The following ASTN2 variants were observed in gnomAD, a reference collection of about 807,000 sequenced individuals.
ASTN2 encodes the protein astrotactin-2.
In ASTN2, 54 loss-of-function variants were observed where a neutral mutation model predicts 139.8. The ratio of observed to expected loss-of-function variants is 0.39; its 90% CI spans 0.31 to 0.48. The LOEUF (loss-of-function observed/expected upper bound fraction) is 0.48, where lower values mean the gene tolerates loss of function less well. Among genes scored for constraint, ASTN2 ranks in the 20% least tolerant of loss-of-function variants. The probability of loss-of-function intolerance (pLI) is 0.95; values close to 1 mark genes in which losing one functional copy is unlikely to be tolerated. For synonymous variants in ASTN2, 756 were observed against 719.5 expected (o/e 1.05, Z -0.81); for missense variants, 1,565 against 1,725.1 (o/e 0.91, Z 1.64).
At chr9:116,675,742 C>T (rs567133097) in intron 16 of ASTN2, among the ~76,000 whole-genome samples, 186 of 152,096 alleles carry the variant, frequency 1.2e-3, no homozygotes, top group Non-Finnish European at 2.1e-3. Flanking sequence ...CCTTATTTGT[C>T]TAGTTACATT....
At chr9:116,555,750 A>C (rs935764060) in intron 19 of ASTN2, among the ~76,000 whole-genome samples, 7 of 152,098 alleles carry the variant, frequency 4.6e-5, no homozygotes, top group African/African-American at 1.4e-4. Context: ...AACAAAAAAA[A>C]CCACACACAC....
chr9:117,246,051 T>C (rs1227993743), intron 2 of ASTN2, among the ~76,000 whole-genome samples: 1 of 152,180 alleles, frequency 6.6e-6, no homozygotes, highest in Non-Finnish European at 1.5e-5. Flanking sequence ...GCATAGTGCA[T>C]GGCACAGACA....
At chr9:116,986,275 C>A (rs532494593) in intron 7 of ASTN2, among the ~76,000 whole-genome samples, 1 of 151,542 alleles carries the variant, frequency 6.6e-6, no homozygotes, top group African/African-American at 2.4e-5. Context: ...TTTCTCCTCC[C>A]GACCGGATTC....
chr9:116,899,547 A>C (rs1833958138), intron 10 of ASTN2, among the ~76,000 whole-genome samples: 9 of 152,234 alleles, frequency 5.9e-5, no homozygotes, highest in Admixed American at 5.9e-4. Context: ...ACAGTGGAAG[A>C]TATCTGACAT....
chr9:117,239,330 G>C (rs1048134920), intron 2 of ASTN2, among the ~76,000 whole-genome samples: 1 of 152,114 alleles, frequency 6.6e-6, no homozygotes, highest in Non-Finnish European at 1.5e-5. Context: ...AGGATTACAA[G>C]TTGGGGAGAG....
At chr9:117,384,414 G>T (rs1463308986) in intron 1 of ASTN2, among the ~76,000 whole-genome samples, 1 of 152,182 alleles carries the variant, frequency 6.6e-6, no homozygotes, top group Admixed American at 6.5e-5. Context: ...CAAGCCAGGA[G>T]ATCTTCACTC....
intron 13 of ASTN2, among the ~76,000 whole-genome samples, chr9:116,750,455 C>G (rs1295808137): frequency 6.6e-6 from 1 of 152,122 alleles, no homozygotes; most frequent in Non-Finnish European, 1.5e-5. Flanking sequence ...CCTTAGAAGT[C>G]TTTCCATATA....
chr9:116,467,274 T>C (rs2118995184), intron 20 of ASTN2, among the ~76,000 whole-genome samples: 1 of 152,170 alleles, frequency 6.6e-6, no homozygotes, highest in South Asian at 2.1e-4. Flanking sequence ...GAGTCCTTTT[T>C]TTTCTTCTTT....
intron 2 of ASTN2, among the ~76,000 whole-genome samples, chr9:117,236,557 T>C (rs1833050735): frequency 6.6e-6 from 1 of 152,222 alleles, no homozygotes; most frequent in African/African-American, 2.4e-5. Flanking sequence ...TGCTGGACTG[T>C]AGGGTCCATG....
chr9:117,375,629 C>G (rs934377135), intron 1 of ASTN2, among the ~76,000 whole-genome samples: 3 of 152,176 alleles, frequency 2.0e-5, no homozygotes, highest in Non-Finnish European at 4.4e-5. Context: ...CTTGCAAGTA[C>G]AGAAGCAGGA....
At chr9:116,536,821 G>T (rs907360995) in intron 19 of ASTN2, among the ~76,000 whole-genome samples, 13 of 152,214 alleles carry the variant, frequency 8.5e-5, no homozygotes, top group Non-Finnish European at 1.8e-4. Flanking sequence ...ACTTGAGGAG[G>T]CAGTCTGTCT....
At chr9:117,004,375 C>A (rs764336738) in intron 7 of ASTN2, among the ~76,000 whole-genome samples, 56 of 152,246 alleles carry the variant, frequency 3.7e-4, no homozygotes, top group Admixed American at 2.6e-4. Context: ...CTTGCTTCAG[C>A]CTCTCAGTGC....
intron 2 of ASTN2, among the ~76,000 whole-genome samples, chr9:117,225,541 A>G (rs6478294): frequency 0.081 from 5,256 of 65,114 alleles, 949 homozygotes; most frequent in South Asian, 0.16. Flanking sequence ...GTATGTATAT[A>G]TATATATATA....
chr9:116,495,528 T>C (rs1849642147), intron 19 of ASTN2, among the ~76,000 whole-genome samples: 2 of 152,232 alleles, frequency 1.3e-5, no homozygotes, highest in Admixed American at 6.5e-5. Flanking sequence ...GGCCTAGATC[T>C]ACCCTTGGGT....
At chr9:116,997,284 A>G (rs887648559) in intron 7 of ASTN2, among the ~76,000 whole-genome samples, 1 of 152,174 alleles carries the variant, frequency 6.6e-6, no homozygotes, top group Non-Finnish European at 1.5e-5. Context: ...TCCTAGACAC[A>G]GATTGTCCTT....
rs932836632 is a variant in ASTN2, at chr9:116,423,190, A to T, written c.*2661T>A. On this transcript the variant is annotated 3_prime_UTR_variant, in exon 23 of 23. Coordinates refer to ENST00000313400, the MANE Select transcript of ASTN2 (RefSeq NM_001365068.1). The stretch of plus-strand genomic sequence containing the variant: ...AGATTTTCCTGGATGTCTGCCCAAG[A>T]CTCACAGTATTATGCATATTGTCTC... 6.6e-6 allele frequency among the ~76,000 whole-genome samples: 1 copy of T among 152,050 alleles called. No individual in the cohort carries two copies. The highest frequency in any genetic ancestry group is 2.4e-5 in the African/African-American group (1 of 41,386).
Position 117,214,425 on chromosome 9 carries a change from G to T in ASTN2, c.948C>A (p.Ser316Arg). 1 of 1,614,004 alleles carries T rather than the reference G, an allele frequency of 6.2e-7. No homozygotes were observed. Among genetic ancestry groups the T allele is most frequent in the South Asian group, 1.1e-5 (1 of 91,074 alleles). The change falls in exon 3 of 23, where the codon AGC (serine) becomes AGA (arginine). Residue 316 changes from serine to arginine, a missense_variant. Ser to Arg is a moderately radical substitution (Grantham distance 110, BLOSUM62 -1). Around this residue, in one of 4 missense-constraint regions of ASTN2, gnomAD observed 596 missense variants for 576.8 expected, o/e 1.03. Coordinates refer to ENST00000313400, the MANE Select transcript of ASTN2 (RefSeq NM_001365068.1). ...GACTGTCCAGAGTGTGGGTCACCTG[G>T]CTGCCAAACTCGTCCTCGCGGGAGA... Reference protein sequence around the residue: ...NHVSREDEFGSQVTHTLDSLG... With the variant: ...NHVSREDEFGRQVTHTLDSLG...
At position 116,699,556 on chromosome 9, in the gene ASTN2, G is replaced by A. The variant is rs1404309415; in HGVS notation, c.2806+26215C>T. 6.2e-7 allele frequency: 1 copy of A among 1,614,246 alleles called. No individual in the cohort carries two copies. The highest frequency in any genetic ancestry group is 1.7e-5 in the Admixed American group (1 of 60,032). On this transcript the variant is annotated intron_variant, in intron 16 of 22. Coordinates refer to ENST00000313400, the MANE Select transcript of ASTN2 (RefSeq NM_001365068.1). This position sits in a 1 kb window ranked among gnomAD's most constrained non-coding sequence, Gnocchi z 4.2. ...AAGGAAATTCTCCATTTTCCTAAGG[G>A]TGGGGGCTATAGTGTCCTTATTCGA...
chr9:117,096,881 C>A (rs1422368556), intron 4 of ASTN2, among the ~76,000 whole-genome samples: 3 of 152,160 alleles, frequency 2.0e-5, no homozygotes, highest in Non-Finnish European at 2.9e-5. Context: ...AGCTTGAGCA[C>A]CCTCAGGAAT....
Sources: gnomAD v4.1 joint callset for allele counts (sites outside exome capture counted in the v4.1 genomes callset) on GRCh38, gnomAD v4.1.1 for gene constraint, gnomAD v4.1.1 regional missense constraint, Gnocchi (gnomAD v3.1) non-coding constraint, MANE v1.5 for transcripts, NCBI Gene and HGNC (gene_info 2026-07-23, HGNC 2026-07-21) for gene names.